The following FBN1 variants were observed in gnomAD, a reference collection of about 807,000 sequenced individuals.
FBN1 encodes fibrillin-1.
In FBN1, 29 loss-of-function variants were observed where a neutral mutation model predicts 365.1. That is an observed-to-expected ratio of 0.08 (90% CI 0.06 to 0.11). FBN1 has a LOEUF of 0.11. FBN1 is among the 10% of genes least tolerant of loss of function. The pLI is 1.00. For synonymous variants in FBN1, 1,210 were observed against 1,270.5 expected (o/e 0.95, Z 1.01); for missense variants, 2,476 against 3,703.2 (o/e 0.67, Z 8.60).
At chr15:48,537,909 A>G (rs1423928364) in intron 6 of FBN1, 101 bp from the exon 7 acceptor site, 3 of 1,217,040 alleles carry the variant, frequency 2.5e-6, no homozygotes, top group South Asian at 1.3e-5. Flanking sequence ...AAATTGAGAA[A>G]TGAATTTCAG....
chr15:48,630,446 A>T (rs1423038737), intron 2 of FBN1, among the ~76,000 whole-genome samples: 1 of 152,220 alleles, frequency 6.6e-6, no homozygotes, highest in Non-Finnish European at 1.5e-5. Flanking sequence ...GCAAATGAGC[A>T]GATGAGTCAG....
chr15:48,549,197 G>A (rs1280509486), intron 6 of FBN1, among the ~76,000 whole-genome samples: 1 of 152,206 alleles, frequency 6.6e-6, no homozygotes, highest in African/African-American at 2.4e-5. Context: ...TTGGGACTTG[G>A]TAGGTCTAAA....
chr15:48,430,326 T>C (rs2043014092), intron 56 of FBN1, among the ~76,000 whole-genome samples: 1 of 152,110 alleles, frequency 6.6e-6, no homozygotes, highest in Non-Finnish European at 1.5e-5. Context: ...CAAAGCTAAG[T>C]CAATAGGGAA....
At chr15:48,626,191 A>G (rs1196731761) in intron 2 of FBN1, among the ~76,000 whole-genome samples, 3 of 151,234 alleles carry the variant, frequency 2.0e-5, no homozygotes, top group Non-Finnish European at 1.5e-5. Flanking sequence ...CAGGAGGTTG[A>G]GGCTAGAGTG....
At chr15:48,454,790 G>T (rs1048908015) in intron 44 of FBN1, among the ~76,000 whole-genome samples, 2 of 152,224 alleles carry the variant, frequency 1.3e-5, no homozygotes, top group African/African-American at 2.4e-5. Flanking sequence ...GTCAGTGGGG[G>T]TTCCTGTCTA....
At chr15:48,613,513 C>T (rs1808024) in intron 2 of FBN1, among the ~76,000 whole-genome samples, 19,907 of 152,096 alleles carry the variant, frequency 0.13, 1,371 homozygotes, top group Non-Finnish European at 0.15. Flanking sequence ...TATTTTCCTA[C>T]GGCCCATCTC....
At chr15:48,603,161 T>C (rs955512043) in intron 4 of FBN1, among the ~76,000 whole-genome samples, 6 of 152,340 alleles carry the variant, frequency 3.9e-5, no homozygotes, top group Admixed American at 6.5e-5. Flanking sequence ...CTCCCTGATA[T>C]ATATTTTTTA....
chr15:48,570,482 A>AT (rs2044298543), intron 6 of FBN1, among the ~76,000 whole-genome samples: 1 of 150,388 alleles, frequency 6.6e-6, no homozygotes, highest in Non-Finnish European at 1.5e-5. Flanking sequence ...AAAAAAAAAA[A>AT]GGGAGGTGTG....
At chr15:48,510,256 A>C in intron 13 of FBN1, 87 bp from the exon 14 acceptor site, 87 of 1,367,820 alleles carry the variant, frequency 6.4e-5, no homozygotes, top group Non-Finnish European at 8.5e-5. Flanking sequence ...TTGCAAACTC[A>C]TGATCTTGGC....
chr15:48,513,444 T>C, intron 13 of FBN1, 105 bp downstream of exon 13: 2 of 1,521,998 alleles, frequency 1.3e-6, no homozygotes, highest in African/African-American at 1.4e-5. Flanking sequence ...GGGACTGTAT[T>C]AGTCTCTTCC....
chr15:48,464,481 A>C (rs377141960), intron 40 of FBN1, among the ~76,000 whole-genome samples: 2 of 152,100 alleles, frequency 1.3e-5, no homozygotes, highest in East Asian at 3.9e-4. Context: ...ATGCCATTGC[A>C]CTCCAGCCTG....
intron 42 of FBN1, among the ~76,000 whole-genome samples, chr15:48,462,162 A>G (rs1045738040): frequency 2.6e-5 from 4 of 152,346 alleles, no homozygotes; most frequent in Middle Eastern, 3.4e-3. Context: ...TTTATATATC[A>G]CTGTGGAAAA....
At chr15:48,421,380 A>AG (rs2042939914) in intron 62 of FBN1, among the ~76,000 whole-genome samples, 178 bp downstream of exon 62, 1 of 152,184 alleles carries the variant, frequency 6.6e-6, no homozygotes, top group Non-Finnish European at 1.5e-5. Context: ...GACACAATCA[A>AG]GCATGAAACA....
chr15:48,528,539 G>A (rs528931788), intron 8 of FBN1, among the ~76,000 whole-genome samples: 2 of 152,262 alleles, frequency 1.3e-5, no homozygotes, highest in East Asian at 3.9e-4. Flanking sequence ...AATCAAACCT[G>A]AAATAAGAGC....
intron 2 of FBN1, among the ~76,000 whole-genome samples, chr15:48,638,037 CTTT>C (rs72166602): frequency 6.9e-6 from 1 of 144,616 alleles, no homozygotes; most frequent in Non-Finnish European, 1.5e-5. Flanking sequence ...CACTGATAAA[CTTT>C]TTTTTTTTTT....
chr15:48,615,421 C>T (rs1300736648), intron 2 of FBN1, among the ~76,000 whole-genome samples: 1 of 151,846 alleles, frequency 6.6e-6, no homozygotes, highest in African/African-American at 2.4e-5. Context: ...CAATTTCAGT[C>T]CTACAAAGCA....
intron 6 of FBN1, among the ~76,000 whole-genome samples, chr15:48,567,259 C>T (rs965006311): frequency 1.3e-5 from 2 of 152,132 alleles, no homozygotes; most frequent in Non-Finnish European, 2.9e-5. Flanking sequence ...TATAATTCAT[C>T]AGTGGGGCTT....
intron 7 of FBN1, among the ~76,000 whole-genome samples, chr15:48,536,248 T>C (rs2044013012): frequency 6.6e-6 from 1 of 152,210 alleles, no homozygotes; most frequent in South Asian, 2.1e-4. Flanking sequence ...TCTTGGATGT[T>C]GAATAGCAGA....
chr15:48,495,627 G>C, intron 20 of FBN1, 39 bp from the exon 21 acceptor site: 1 of 1,613,636 alleles, frequency 6.2e-7, no homozygotes, highest in Non-Finnish European at 8.5e-7. Flanking sequence ...CTAAAATCTA[G>C]TCTTGGGCCT....
Sources: gnomAD v4.1 joint callset for allele counts (sites outside exome capture counted in the v4.1 genomes callset) on GRCh38, gnomAD v4.1.1 for gene constraint, MANE v1.5 for transcripts, NCBI Gene and HGNC (gene_info 2026-07-23, HGNC 2026-07-21) for gene names.